Variants in PTPRQ observed in about 807,000 individuals in gnomAD.
PTPRQ encodes phosphatidylinositol phosphatase PTPRQ.
Under a neutral mutation model 246.0 loss-of-function variants are expected in PTPRQ, and 199 were observed. That is an observed-to-expected ratio of 0.81 (90% CI 0.72 to 0.91). The LOEUF is 0.91. Among genes scored for constraint, PTPRQ ranks in the 40% least tolerant of loss-of-function variants. The pLI is 0.00. For synonymous variants in PTPRQ, 869 were observed against 853.2 expected (o/e 1.02, Z -0.32); for missense variants, 2,624 against 2,528.4 (o/e 1.04, Z -0.81).
chr12:80,481,149 A>G (rs535420605), intron 8 of PTPRQ, among the ~76,000 whole-genome samples: 1 of 152,226 alleles, frequency 6.6e-6, no homozygotes, highest in Non-Finnish European at 1.5e-5. Flanking sequence ...AAACGAATCC[A>G]GCAGCACATC....
intron 23 of PTPRQ, 69 bp downstream of exon 23, chr12:80,542,950 T>A: frequency 8.9e-7 from 1 of 1,119,518 alleles, no homozygotes; most frequent in East Asian, 3.0e-5. Flanking sequence ...TTTTGACATA[T>A]AGGAGGAAAA....
At chr12:80,522,895 A>T (rs896558278) in intron 17 of PTPRQ, among the ~76,000 whole-genome samples, 1 of 151,874 alleles carries the variant, frequency 6.6e-6, no homozygotes, top group African/African-American at 2.4e-5. Flanking sequence ...GTTAGGGAGG[A>T]TTCTCTCTTT....
intron 27 of PTPRQ, among the ~76,000 whole-genome samples, chr12:80,609,558 G>A (rs888689813): frequency 6.6e-6 from 1 of 150,468 alleles, no homozygotes; most frequent in Admixed American, 6.7e-5. Context: ...TTTAATATCT[G>A]GAGTGAATAG....
At position 80,472,132 on chromosome 12, in the gene PTPRQ, AC is replaced by A. The variant is rs1055325176; in HGVS notation, c.1069del (p.Leu357SerfsTer8). ...CGCATTTTGGATAACAGCACAAAAGACCTCAAGTTTGCATTCACTAACCTAA... is the reference window on the plus strand; with the variant it reads ...CGCATTTTGGATAACAGCACAAAAGACTCAAGTTTGCATTCACTAACCTAA... ...SGRILDNSTKDLKFAFTNLTP... is the reference protein window; with the variant it reads ...SGRILDNSTKXLKFAFTNLTP... On this transcript the variant is annotated frameshift_variant, in exon 8 of 45. Transcript: ENST00000644991. LOFTEE classifies it high-confidence loss of function. 1.3e-6 allele frequency: 2 copies of A among 1,551,408 alleles called. No individual in the cohort carries two copies. The highest frequency in any genetic ancestry group is 4.9e-5 in the East Asian group (2 of 40,898).
intron 25 of PTPRQ, among the ~76,000 whole-genome samples, chr12:80,559,029 A>G (rs142099438): frequency 0.01 from 1,557 of 152,154 alleles, 13 homozygotes; most frequent in Non-Finnish European, 0.017. Context: ...GCCAGGCTGT[A>G]GCTTGTCTTT....
chr12:80,672,897 C>G (rs1901017120), intron 42 of PTPRQ, among the ~76,000 whole-genome samples: 1 of 151,954 alleles, frequency 6.6e-6, no homozygotes, highest in African/African-American at 2.4e-5. Flanking sequence ...CAACAACACA[C>G]CCTAAAATAT....
chr12:80,672,345 A>T (rs1056459255), intron 42 of PTPRQ, among the ~76,000 whole-genome samples: 2 of 151,332 alleles, frequency 1.3e-5, no homozygotes, highest in Admixed American at 1.3e-4. Flanking sequence ...ACTCAGTTTT[A>T]TGTTATAGGC....
rs567506541 is a variant in PTPRQ, at chr12:80,538,986, G to C, written c.2986-790G>C. ...GCTTCATGTGGATTGGAATGATTCAGGTTACTCTGCAGATGGAAATTATAA... is the reference window on the plus strand; with the variant it reads ...GCTTCATGTGGATTGGAATGATTCACGTTACTCTGCAGATGGAAATTATAA... On this transcript the variant is annotated intron_variant, in intron 19 of 44. Transcript: ENST00000644991. Among the ~76,000 whole-genome samples, 74 of 152,174 alleles carry C rather than the reference G, an allele frequency of 4.9e-4. 1 individual carries two copies. The South Asian group carries it at 0.015, about 30-fold the overall frequency.
At chr12:80,525,155 A>G (rs1273081218) in intron 17 of PTPRQ, among the ~76,000 whole-genome samples, 1 of 152,120 alleles carries the variant, frequency 6.6e-6, no homozygotes, top group Non-Finnish European at 1.5e-5. Flanking sequence ...CAGTTTGAAT[A>G]CACAGAGTAG....
At chr12:80,557,387 G>A (rs533493951) in intron 25 of PTPRQ, among the ~76,000 whole-genome samples, 1 of 151,408 alleles carries the variant, frequency 6.6e-6, no homozygotes, top group East Asian at 1.9e-4. Flanking sequence ...CTCACATGCT[G>A]CATGGGGACA....
At chr12:80,569,207 C>T (rs554386663) in intron 25 of PTPRQ, among the ~76,000 whole-genome samples, 79 of 144,300 alleles carry the variant, frequency 5.5e-4, no homozygotes, top group African/African-American at 1.8e-3. Flanking sequence ...TGAGAATATG[C>T]GGTGTTTGGT....
At chr12:80,659,072 A>C (rs1900544019) in intron 39 of PTPRQ, among the ~76,000 whole-genome samples, 1 of 152,078 alleles carries the variant, frequency 6.6e-6, no homozygotes, top group South Asian at 2.1e-4. Context: ...AAAGGAGTGA[A>C]TAATGGGAGA....
At chr12:80,551,928 T>G (rs1592644379) in intron 25 of PTPRQ, among the ~76,000 whole-genome samples, 1 of 152,164 alleles carries the variant, frequency 6.6e-6, no homozygotes, top group East Asian at 1.9e-4. Flanking sequence ...ATTGCTTTGC[T>G]TCCTTTAACT....
At chr12:80,673,415 T>C (rs1901036372) in intron 43 of PTPRQ, 111 bp downstream of exon 43, 3 of 1,438,736 alleles carry the variant, frequency 2.1e-6, no homozygotes, top group Admixed American at 2.9e-5. Context: ...ACACCTTCTT[T>C]TCCTACATTA....
At chr12:80,546,191 T>C (rs1425696003) in intron 23 of PTPRQ, among the ~76,000 whole-genome samples, 1 of 151,754 alleles carries the variant, frequency 6.6e-6, no homozygotes, top group African/African-American at 2.4e-5. Context: ...TGGTGGCACA[T>C]GCCTGTAATC....
At chr12:80,463,325 T>C (rs1477408741) in intron 6 of PTPRQ, among the ~76,000 whole-genome samples, 3 of 151,926 alleles carry the variant, frequency 2.0e-5, no homozygotes, top group African/African-American at 7.3e-5. Flanking sequence ...GAAAAAAGAA[T>C]AAAAAGAAAT....
chr12:80,449,410 T>C (rs1892670195), intron 3 of PTPRQ, among the ~76,000 whole-genome samples: 1 of 152,246 alleles, frequency 6.6e-6, no homozygotes. Flanking sequence ...TTGTCTTTTG[T>C]TGCCATTGCT....
intron 16 of PTPRQ, 99 bp from the exon 17 acceptor site, chr12:80,510,224 T>C: frequency 1.6e-6 from 2 of 1,224,370 alleles, no homozygotes; most frequent in Non-Finnish European, 2.1e-6. Flanking sequence ...CCTAATTCCT[T>C]TACCAGAAAG....
chr12:80,673,128 C>A, intron 42 of PTPRQ, 41 bp from the exon 43 acceptor site: 6 of 1,545,934 alleles, frequency 3.9e-6, no homozygotes, highest in South Asian at 1.2e-5. Flanking sequence ...AATGAACAAC[C>A]CTTTGCTGAA....
Sources: gnomAD v4.1 joint callset for allele counts (sites outside exome capture counted in the v4.1 genomes callset) on GRCh38, gnomAD v4.1.1 for gene constraint, MANE v1.5 for transcripts, NCBI Gene and HGNC (gene_info 2026-07-23, HGNC 2026-07-21) for gene names.